The following RAD54B variants were observed in gnomAD, a reference collection of about 807,000 sequenced individuals.
RAD54B encodes the protein RAD54 homolog B, also known as DNA repair and recombination protein RAD54B.
Under a neutral mutation model 95.8 loss-of-function variants are expected in RAD54B, and 78 were observed. The ratio of observed to expected loss-of-function variants is 0.81; its 90% CI spans 0.68 to 0.98. RAD54B has a LOEUF of 0.98. Among genes scored for constraint, RAD54B ranks in the 50% least tolerant of loss-of-function variants. RAD54B has a pLI of 0.00. For missense variants in RAD54B, 957 were observed against 1,056.6 expected (o/e 0.91, Z 1.31); for synonymous variants, 328 against 354.9 (o/e 0.92, Z 0.85).
Position 94,452,445 on chromosome 8 carries a change from A to G in RAD54B, c.304+5823T>C, listed in dbSNP as rs185278552. 2.6e-5 allele frequency among the ~76,000 whole-genome samples: 4 copies of G among 152,334 alleles called. No homozygotes were observed. In the East Asian group the frequency reaches 7.7e-4, roughly 29 times the overall value. ...TAGTACTGAAACATTACACATATAC[A>G]TACAATACACACAAAAATGTTAAAT... is the stretch of plus-strand genomic sequence containing the variant. On this transcript the variant is annotated intron_variant, in intron 3 of 14. Transcript: ENST00000336148.
chr8:94,416,606 A>G (rs1290484924), intron 3 of RAD54B, among the ~76,000 whole-genome samples: 1 of 152,184 alleles, frequency 6.6e-6, no homozygotes, highest in Non-Finnish European at 1.5e-5. Context: ...AATGATATAT[A>G]CAAACAACCA....
chr8:94,472,195 T>A (rs568893769), intron 1 of RAD54B, among the ~76,000 whole-genome samples: 1 of 152,198 alleles, frequency 6.6e-6, no homozygotes, highest in South Asian at 2.1e-4. Context: ...TTGACTGCTT[T>A]AGAAGCAGTA....
rs139249039 is a variant in RAD54B at position 94,386,050 on chromosome 8, A to G, written c.1985+934T>C. On this transcript the variant is annotated intron_variant, in intron 11 of 14. Coordinates refer to ENST00000336148, the MANE Select transcript of RAD54B (RefSeq NM_012415.3). Reference sequence around the variant, plus strand: ...GAAAAGGAGTGACAAGTTCATATTTATATTTTAGAAATATAATTCAGGGCA... The same window carrying G: ...GAAAAGGAGTGACAAGTTCATATTTGTATTTTAGAAATATAATTCAGGGCA... Among the ~76,000 whole-genome samples, 653 of 152,332 alleles carry G rather than the reference A, an allele frequency of 4.3e-3. 6 individuals carry two copies. Among genetic ancestry groups the G allele is most frequent in the African/African-American group, 0.015 (619 of 41,576 alleles).
Position 94,458,432 on chromosome 8 carries a change from A to G in RAD54B, c.140T>C (p.Val47Ala), listed in dbSNP as rs1812826410. 4 of 1,580,278 alleles carry G rather than the reference A, an allele frequency of 2.5e-6. No individual in the cohort carries two copies. The highest frequency in any genetic ancestry group is 3.4e-6 in the Non-Finnish European group (4 of 1,167,326). ...LNPDIKLFEG[V>A]AINNTFLPSQ... ...CGGGAGAAAGGTGTTATTAATTGCA[A>G]CACCCTAAAAGAAACAAATATATAT... is the stretch of plus-strand genomic sequence containing the variant. Residue 47 changes from valine to alanine, a missense_variant, in exon 3 of 15, where the codon GTT (valine) becomes GCT (alanine). Coordinates refer to ENST00000336148, the MANE Select transcript of RAD54B (RefSeq NM_012415.3).
chr8:94,404,654 C>T (rs1291962807), intron 5 of RAD54B, among the ~76,000 whole-genome samples: 1 of 152,140 alleles, frequency 6.6e-6, no homozygotes, highest in Non-Finnish European at 1.5e-5. Context: ...AAAGTCTCCC[C>T]AAATTTAACA....
chr8:94,416,384 G>A (rs1811667823), intron 3 of RAD54B, among the ~76,000 whole-genome samples: 1 of 152,030 alleles, frequency 6.6e-6, no homozygotes, highest in African/African-American at 2.4e-5. Flanking sequence ...GGCGAGGGGG[G>A]AGGGATAGCA....
At chr8:94,426,660 T>C (rs1811949138) in intron 3 of RAD54B, among the ~76,000 whole-genome samples, 1 of 152,226 alleles carries the variant, frequency 6.6e-6, no homozygotes, top group South Asian at 2.1e-4. Context: ...AACTTATCTA[T>C]AATTTTTTTT....
chr8:94,437,739 A>G (rs1278414737), intron 3 of RAD54B, among the ~76,000 whole-genome samples: 1 of 152,212 alleles, frequency 6.6e-6, no homozygotes, highest in African/African-American at 2.4e-5. Context: ...TCCACATACA[A>G]AATCACATTT....
intron 1 of RAD54B, among the ~76,000 whole-genome samples, chr8:94,472,755 C>T (rs940359792): frequency 6.6e-6 from 1 of 152,124 alleles, no homozygotes; most frequent in Non-Finnish European, 1.5e-5. Context: ...TCTCTAGACA[C>T]CAATTTTCTC....
chr8:94,400,156 G>A, intron 7 of RAD54B, 82 bp downstream of exon 7: 1 of 1,241,876 alleles, frequency 8.1e-7, no homozygotes, highest in African/African-American at 1.5e-5. Flanking sequence ...GGGTTAGGGA[G>A]TTAACAAGTA....
intron 11 of RAD54B, among the ~76,000 whole-genome samples, chr8:94,384,718 T>A (rs754294717): frequency 1.3e-5 from 2 of 152,176 alleles, no homozygotes; most frequent in African/African-American, 2.4e-5. Context: ...TCTCTTCAGA[T>A]AATGTGAAGC....
Position 94,372,074 on chromosome 8 carries a change from G to A in RAD54B, c.*96C>T, listed in dbSNP as rs1810453677. ...AGTGATATATTTTGCAACATATACT[G>A]TAATTTAAATAATTCTATTAATTTT... On this transcript the variant is annotated 3_prime_UTR_variant, in exon 15 of 15. Coordinates refer to ENST00000336148, the MANE Select transcript of RAD54B (RefSeq NM_012415.3). The A allele has an allele frequency of 4.7e-6, 7 of 1,474,176 alleles. 1 individual carries two copies. The South Asian group carries it at 9.8e-5, about 21-fold the overall frequency. The allele number at this position is 1,474,176 out of a possible 1,614,324, so 91.3% of individuals were successfully genotyped here.
At chr8:94,449,027 CATAT>C (rs1812588641) in intron 3 of RAD54B, among the ~76,000 whole-genome samples, 1 of 142,292 alleles carries the variant, frequency 7.0e-6, no homozygotes, top group African/African-American at 2.7e-5. Flanking sequence ...TGTGCACATG[CATAT>C]ACATACACAC....
chr8:94,431,131 T>C (rs1812082717), intron 3 of RAD54B: 1 of 943,248 alleles, frequency 1.1e-6, no homozygotes, highest in South Asian at 4.9e-5. Context: ...TTAATATAAA[T>C]TTAATATGTA....
intron 11 of RAD54B, among the ~76,000 whole-genome samples, 175 bp from the exon 12 acceptor site, chr8:94,380,581 A>G (rs1810715619): frequency 6.6e-6 from 1 of 152,260 alleles, no homozygotes; most frequent in African/African-American, 2.4e-5. Context: ...GTCAATATCT[A>G]AACTTCCAGT....
intron 14 of RAD54B, among the ~76,000 whole-genome samples, chr8:94,373,808 TTCAAATAA>T (rs1810498698): frequency 2.6e-5 from 4 of 152,156 alleles, no homozygotes; most frequent in Non-Finnish European, 5.9e-5. Flanking sequence ...TATGGGAAAT[TTCAAATAA>T]ATATAATAAA....
At chr8:94,422,270 T>C (rs1356077180) in intron 3 of RAD54B, among the ~76,000 whole-genome samples, 1 of 152,104 alleles carries the variant, frequency 6.6e-6, no homozygotes, top group Non-Finnish European at 1.5e-5. Flanking sequence ...TTTGACTAAA[T>C]GTTTATAAAA....
At chr8:94,446,863 C>G (rs1377689781) in intron 3 of RAD54B, among the ~76,000 whole-genome samples, 1 of 152,022 alleles carries the variant, frequency 6.6e-6, no homozygotes, top group South Asian at 2.1e-4. Context: ...AACTGGTTAG[C>G]CTCCAGTGGC....
chr8:94,416,567 A>G (rs560275605), intron 3 of RAD54B, among the ~76,000 whole-genome samples: 1 of 152,254 alleles, frequency 6.6e-6, no homozygotes, highest in South Asian at 2.1e-4. Flanking sequence ...ATCAATAGAA[A>G]ACAGGCAAAA....
Sources: gnomAD v4.1 joint callset for allele counts (sites outside exome capture counted in the v4.1 genomes callset) on GRCh38, gnomAD v4.1.1 for gene constraint, MANE v1.5 for transcripts, NCBI Gene and HGNC (gene_info 2026-07-23, HGNC 2026-07-21) for gene names.